The following ADK variants were observed in gnomAD, a reference collection of about 807,000 sequenced individuals.
ADK encodes the protein N6,N6-dimethyladenosine kinase.
In ADK, 24 loss-of-function variants were observed where a neutral mutation model predicts 44.7. That is an observed-to-expected ratio of 0.54 (90% CI 0.39 to 0.76). The LOEUF is 0.76. ADK is among the 30% of genes least tolerant of loss of function. The probability of loss-of-function intolerance (pLI) is 0.00; values close to 1 mark genes in which losing one functional copy is unlikely to be tolerated. For synonymous variants in ADK, 128 were observed against 142.6 expected (o/e 0.90, Z 0.73); for missense variants, 321 against 425.1 (o/e 0.76, Z 2.15).
chr10:74,554,946 T>C (rs1850186822), intron 7 of ADK, among the ~76,000 whole-genome samples: 1 of 152,234 alleles, frequency 6.6e-6, no homozygotes, highest in Non-Finnish European at 1.5e-5. Flanking sequence ...TCAGTTAATA[T>C]GACTACAGGT....
At chr10:74,563,837 A>G (rs1013469204) in intron 7 of ADK, among the ~76,000 whole-genome samples, 5 of 152,078 alleles carry the variant, frequency 3.3e-5, no homozygotes, top group Admixed American at 1.3e-4. Context: ...TTACTTATCA[A>G]TTTCCCCAAA....
chr10:74,661,564 T>C lies in ADK; in HGVS notation c.878-8619T>C, dbSNP rs968995277. 2.6e-5 allele frequency among the ~76,000 whole-genome samples: 4 copies of C among 152,346 alleles called. No homozygotes were observed. In the East Asian group the frequency reaches 7.7e-4, roughly 29 times the overall value. Reference sequence around the variant, plus strand: ...TGCCTGATGTATCAAATCCAAACTTTTGCGTGGCTTTCAAAGTCTCCCTAG... The same window carrying C: ...TGCCTGATGTATCAAATCCAAACTTCTGCGTGGCTTTCAAAGTCTCCCTAG... On this transcript the variant is annotated intron_variant, in intron 9 of 10. Transcript: ENST00000539909.
At chr10:74,249,029 G>T (rs1845540445) in intron 3 of ADK, among the ~76,000 whole-genome samples, 1 of 152,042 alleles carries the variant, frequency 6.6e-6, no homozygotes, top group African/African-American at 2.4e-5. Context: ...GCTGCTTTTT[G>T]CCACTATCTA....
At chr10:74,368,424 C>T (rs1842560162) in intron 4 of ADK, among the ~76,000 whole-genome samples, 1 of 151,766 alleles carries the variant, frequency 6.6e-6, no homozygotes, top group African/African-American at 2.4e-5. Context: ...TAACCTTTTG[C>T]AGTGTTTTTT....
chr10:74,401,200 C>G (rs572853598), intron 6 of ADK, among the ~76,000 whole-genome samples: 2 of 152,234 alleles, frequency 1.3e-5, no homozygotes, highest in East Asian at 1.9e-4. Flanking sequence ...GTTCTCTTCA[C>G]CTTAGAATCA....
chr10:74,183,818 C>G (rs1842646219), intron 1 of ADK, among the ~76,000 whole-genome samples: 1 of 151,562 alleles, frequency 6.6e-6, no homozygotes, highest in African/African-American at 2.4e-5. Flanking sequence ...ATGAAATATA[C>G]TACTAATAAA....
chr10:74,187,125 C>T (rs1023702368), intron 1 of ADK, among the ~76,000 whole-genome samples: 1 of 151,978 alleles, frequency 6.6e-6, no homozygotes, highest in African/African-American at 2.4e-5. Flanking sequence ...AAAATTTAGG[C>T]ATTCTCCTGA....
Position 74,206,697 on chromosome 10 carries a change from T to G in ADK, c.140+5859T>G, listed in dbSNP as rs373245083. ...TTGTTAGGCATATATAACCTGAAGA[T>G]GAATGTTTATGGGCTAATACTATGT... On this transcript the variant is annotated intron_variant, in intron 2 of 10. Transcript: ENST00000539909. Among the ~76,000 whole-genome samples the G allele has an allele frequency of 2.3e-4, 35 of 152,358 alleles. 1 individual carries two copies. The highest frequency in any genetic ancestry group is 6.8e-3 in the Middle Eastern group (2 of 294).
intron 3 of ADK, among the ~76,000 whole-genome samples, chr10:74,279,981 T>C (rs1846860418): frequency 6.6e-6 from 1 of 152,180 alleles, no homozygotes; most frequent in Admixed American, 6.5e-5. Flanking sequence ...TGAGTTATTA[T>C]TGCACCACTG....
intron 6 of ADK, among the ~76,000 whole-genome samples, chr10:74,451,136 A>T (rs549659625): frequency 6.7e-6 from 1 of 149,828 alleles, no homozygotes; most frequent in Admixed American, 6.6e-5. Flanking sequence ...AAAAAATAAA[A>T]CAATAGTTTT....
intron 3 of ADK, among the ~76,000 whole-genome samples, chr10:74,281,829 A>G (rs1293631246): frequency 6.6e-6 from 1 of 152,208 alleles, no homozygotes; most frequent in East Asian, 1.9e-4. Context: ...TTTTTAAAAA[A>G]TTATTGCTGT....
chr10:74,512,116 T>G lies in ADK; in HGVS notation c.556-13140T>G, dbSNP rs544322786. ...GATATAAGACATTCATTCAGTGACA[T>G]ATGGTGGACCATCTTTGCATTCTTG... On this transcript the variant is annotated intron_variant, in intron 6 of 10. Coordinates refer to ENST00000539909, the MANE Select transcript of ADK (RefSeq NM_006721.4). Among the ~76,000 whole-genome samples, 432 of 152,322 alleles carry G rather than the reference T, an allele frequency of 2.8e-3. 3 individuals are homozygous for G. The highest frequency in any genetic ancestry group is 0.01 in the African/African-American group (419 of 41,588).
intron 3 of ADK, among the ~76,000 whole-genome samples, chr10:74,308,556 C>T (rs1400566732): frequency 1.3e-5 from 2 of 152,052 alleles, no homozygotes; most frequent in Non-Finnish European, 2.9e-5. Context: ...AACATTTGAT[C>T]TTAATAAGTA....
intron 5 of ADK, among the ~76,000 whole-genome samples, chr10:74,396,034 A>G (rs934739849): frequency 6.6e-6 from 1 of 152,182 alleles, no homozygotes; most frequent in African/African-American, 2.4e-5. Context: ...GAGAGAGAAC[A>G]GTTATGATAA....
At chr10:74,645,880 A>G (rs547720222) in intron 9 of ADK, among the ~76,000 whole-genome samples, 2 of 152,296 alleles carry the variant, frequency 1.3e-5, no homozygotes, top group Admixed American at 6.5e-5. Context: ...ATATTATCAT[A>G]TCAATTGAGT....
chr10:74,304,421 G>A (rs1436049685), intron 3 of ADK, among the ~76,000 whole-genome samples: 1 of 152,122 alleles, frequency 6.6e-6, no homozygotes, highest in Non-Finnish European at 1.5e-5. Context: ...AGGGAAGCAA[G>A]TATAAACACC....
chr10:74,688,478 G>A (rs540256227), intron 10 of ADK, among the ~76,000 whole-genome samples: 1 of 152,078 alleles, frequency 6.6e-6, no homozygotes, highest in Admixed American at 6.5e-5. Flanking sequence ...GCTGCAAACC[G>A]ATTTGCCCCT....
chr10:74,560,187 G>A (rs1027353763), intron 7 of ADK, among the ~76,000 whole-genome samples: 1 of 152,084 alleles, frequency 6.6e-6, no homozygotes. Context: ...CCAAAGTTCT[G>A]GGATTGCAGG....
intron 10 of ADK, among the ~76,000 whole-genome samples, chr10:74,688,264 T>C (rs1226960457): frequency 1.3e-5 from 2 of 152,230 alleles, no homozygotes; most frequent in Non-Finnish European, 2.9e-5. Context: ...TTTTTCATAG[T>C]AGCACTTAAC....
Sources: allele counts gnomAD v4.1 joint callset (sites outside exome capture counted in the v4.1 genomes callset), GRCh38; gene constraint gnomAD v4.1.1; transcripts MANE v1.5; gene names NCBI Gene and HGNC (gene_info 2026-07-23, HGNC 2026-07-21).